Variants in MRS2 observed in about 807,000 individuals in gnomAD.
MRS2 encodes the protein magnesium transporter MRS2.
Under a neutral mutation model 52.6 loss-of-function variants are expected in MRS2, and 40 were observed. The ratio of observed to expected loss-of-function variants is 0.76; its 90% CI spans 0.59 to 0.99. MRS2 has a LOEUF of 0.99. Among genes scored for constraint, MRS2 ranks in the 50% least tolerant of loss-of-function variants. MRS2 has a pLI of 0.00. For missense variants in MRS2, 472 were observed against 532.7 expected (o/e 0.89, Z 1.12); for synonymous variants, 193 against 195.9 (o/e 0.98, Z 0.13).
chr6:24,411,857 G>GTT (rs111934504), intron 4 of MRS2, among the ~76,000 whole-genome samples: 1 of 137,102 alleles, frequency 7.3e-6, no homozygotes, highest in African/African-American at 2.7e-5. Flanking sequence ...ATTTTTTGGT[G>GTT]TTTTTTTTTT....
At chr6:24,406,716 A>G (rs1358674835) in intron 2 of MRS2, among the ~76,000 whole-genome samples, 1 of 152,216 alleles carries the variant, frequency 6.6e-6, no homozygotes, top group Non-Finnish European at 1.5e-5. Flanking sequence ...TGGAGGTTGC[A>G]GTGAGCCAAG....
intron 5 of MRS2, among the ~76,000 whole-genome samples, chr6:24,413,491 C>CCATGT (rs1167767453): frequency 1.3e-5 from 2 of 152,194 alleles, no homozygotes; most frequent in South Asian, 2.1e-4. Context: ...CCAAGACATA[C>CCATGT]CATGAGTAGA....
At chr6:24,410,479 G>T (rs1761613402) in intron 4 of MRS2, among the ~76,000 whole-genome samples, 1 of 152,050 alleles carries the variant, frequency 6.6e-6, no homozygotes, top group Admixed American at 6.6e-5. Context: ...TTTCTTCAAA[G>T]AGTCTTTGAT....
intron 5 of MRS2, 102 bp downstream of exon 5, chr6:24,412,497 CCA>C: frequency 1.2e-6 from 1 of 829,742 alleles, no homozygotes; most frequent in South Asian, 2.7e-5. Flanking sequence ...TGTCCCCTGA[CCA>C]CATCCTGCCC....
At chr6:24,416,251 T>C (rs1343922820) in intron 6 of MRS2, 146 bp from the exon 7 acceptor site, 11 of 505,372 alleles carry the variant, frequency 2.2e-5, no homozygotes, top group Non-Finnish European at 3.8e-5. Flanking sequence ...TGGTAAATAC[T>C]CAACTTTTTT....
chr6:24,408,874 G>A (rs889692242), intron 3 of MRS2, among the ~76,000 whole-genome samples: 3 of 152,124 alleles, frequency 2.0e-5, no homozygotes, highest in African/African-American at 7.2e-5. Context: ...CCATGTCACT[G>A]CATGGCAGCC....
chr6:24,410,578 C>T (rs1453067144), intron 4 of MRS2: 19 of 532,324 alleles, frequency 3.6e-5, no homozygotes, highest in Non-Finnish European at 5.5e-5. Context: ...CCCAGCTACT[C>T]AGGAGGCTGA....
chr6:24,425,160 T>C lies in MRS2; in HGVS notation c.*1466T>C, dbSNP rs1296572679. The C allele has an allele frequency of 6.6e-6, 1 of 152,226 alleles. No individual in the cohort carries two copies. The highest frequency in any genetic ancestry group is 1.5e-5 in the Non-Finnish European group (1 of 68,046). The allele number at this position is 152,226 out of a possible 1,614,324, so 9.4% of individuals were successfully genotyped here. A position where few individuals can be genotyped will look rare whatever the true frequency, so the allele number is the denominator to read the frequency against. ...TTTTAAGATTGTATTTGATAATACT[T>C]ATATTTCACAGGGCACACTTTTGGC... is the stretch of plus-strand genomic sequence containing the variant. On this transcript the variant is annotated 3_prime_UTR_variant, in exon 11 of 11. Coordinates refer to ENST00000378386, the MANE Select transcript of MRS2 (RefSeq NM_020662.4).
chr6:24,405,854 C>T (rs1761455061), intron 2 of MRS2, among the ~76,000 whole-genome samples: 1 of 148,224 alleles, frequency 6.7e-6, no homozygotes, highest in South Asian at 2.1e-4. Context: ...GCCTGTAATT[C>T]CAACACTTTG....
At chr6:24,422,694 CAAAGTA>C (rs1762088001) in intron 9 of MRS2, among the ~76,000 whole-genome samples, 1 of 152,068 alleles carries the variant, frequency 6.6e-6, no homozygotes, top group Non-Finnish European at 1.5e-5. Flanking sequence ...CAAAGAAACA[CAAAGTA>C]AAAGCAGTAC....
chr6:24,415,936 T>C (rs374477055), intron 6 of MRS2, among the ~76,000 whole-genome samples: 22 of 151,220 alleles, frequency 1.5e-4, no homozygotes, highest in African/African-American at 4.6e-4. Flanking sequence ...TTGGGTTTTT[T>C]GTGGGTGTTT....
chr6:24,412,242 T>G lies in MRS2; in HGVS notation c.435T>G (p.Thr145=), dbSNP rs1473432262. 12 of 1,572,836 alleles carry G rather than the reference T, an allele frequency of 7.6e-6. No homozygotes were observed. Among genetic ancestry groups the G allele is most frequent in the Non-Finnish European group, 9.5e-6 (11 of 1,161,268 alleles). ...AACAGTATTTGAAAGCTGTGATAAC[T>G]CCAGAGTGTCTTCTGATATTAGATT... ...MRMEYLKAVI[T]PECLLILDYR... is the part of the protein sequence containing the mutation. Residue 145 remains threonine, a synonymous_variant, in exon 5 of 11, where the codon ACT becomes ACG. Coordinates refer to ENST00000378386, the MANE Select transcript of MRS2 (RefSeq NM_020662.4).
intron 5 of MRS2, 79 bp downstream of exon 5, chr6:24,412,474 T>G (rs1360592447): frequency 8.5e-7 from 1 of 1,181,154 alleles, no homozygotes; most frequent in African/African-American, 1.6e-5. Context: ...GTTGGGGTAT[T>G]GTTTCAATGG....
intron 5 of MRS2, among the ~76,000 whole-genome samples, chr6:24,414,139 A>G (rs1052174231): frequency 6.8e-6 from 1 of 147,304 alleles, no homozygotes; most frequent in African/African-American, 2.5e-5. Context: ...TATAGGAGAA[A>G]GACTTTTTTT....
chr6:24,420,977 T>G (rs562980477), intron 9 of MRS2, among the ~76,000 whole-genome samples: 1 of 152,088 alleles, frequency 6.6e-6, no homozygotes, highest in Non-Finnish European at 1.5e-5. Context: ...ATCTAGATCA[T>G]TGGAAAGTTC....
chr6:24,425,310 G>A lies in MRS2; in HGVS notation c.*1616G>A, dbSNP rs1455142411. On this transcript the variant is annotated 3_prime_UTR_variant, in exon 11 of 11. Coordinates refer to ENST00000378386, the MANE Select transcript of MRS2 (RefSeq NM_020662.4). Reference sequence around the variant, plus strand: ...CAACATTTGATTTGACTAAGATCAGGCATAAGATAGAATTTTTGTCATTTT... The same window carrying A: ...CAACATTTGATTTGACTAAGATCAGACATAAGATAGAATTTTTGTCATTTT... 6.6e-6 allele frequency: 1 copy of A among 152,122 alleles called. No homozygotes were observed. The highest frequency in any genetic ancestry group is 1.5e-5 in the Non-Finnish European group (1 of 68,012). 9.4% of individuals were successfully genotyped at this position (152,122 alleles called of 1,614,324 possible). A position where few individuals can be genotyped will look rare whatever the true frequency, so the allele number is the denominator to read the frequency against.
intron 5 of MRS2, among the ~76,000 whole-genome samples, chr6:24,414,545 C>A (rs986156279): frequency 3.3e-5 from 5 of 149,948 alleles, no homozygotes; most frequent in African/African-American, 1.2e-4. Context: ...CCTATGTCTA[C>A]TTCTTTCTAC....
At position 24,403,021 on chromosome 6, in the gene MRS2, T is replaced by C. The variant is rs1394678334; in HGVS notation, c.-26T>C. The C allele has an allele frequency of 1.3e-6, 2 of 1,561,376 alleles. No individual in the cohort carries two copies. The highest frequency in any genetic ancestry group is 1.7e-6 in the Non-Finnish European group (2 of 1,155,820). On this transcript the variant is annotated 5_prime_UTR_variant, in exon 1 of 11. Coordinates refer to ENST00000378386, the MANE Select transcript of MRS2 (RefSeq NM_020662.4). ...CCGGCATGAAGGTCTGGGGTCTGGC[T>C]GCTGCCTGCTTCTTGCTCCAGCACC...
At chr6:24,412,831 C>T (rs1468849338) in intron 5 of MRS2, among the ~76,000 whole-genome samples, 1 of 152,146 alleles carries the variant, frequency 6.6e-6, no homozygotes, top group Admixed American at 6.5e-5. Context: ...TGGTTCTCTG[C>T]TTCCCTGACC....
Sources: allele counts gnomAD v4.1 joint callset (sites outside exome capture counted in the v4.1 genomes callset), GRCh38; gene constraint gnomAD v4.1.1; transcripts MANE v1.5; gene names NCBI Gene and HGNC (gene_info 2026-07-23, HGNC 2026-07-21).